Variants in BICC1 observed in about 807,000 individuals in gnomAD.
BICC1 encodes the protein protein bicaudal C homolog 1.
Under a neutral mutation model 111.0 loss-of-function variants are expected in BICC1, and 43 were observed. The ratio of observed to expected loss-of-function variants is 0.39; its 90% CI spans 0.30 to 0.50. BICC1 has a LOEUF of 0.50. Ranked by LOEUF, BICC1 falls within the 20% of genes least tolerant of loss-of-function variation. The pLI, the probability that BICC1 is intolerant of heterozygous loss-of-function variation, is 0.88. For missense variants in BICC1, 1,091 were observed against 1,203.2 expected, an observed-to-expected ratio of 0.91 and a Z score of 1.38; for synonymous variants, 467 against 434.4, an observed-to-expected ratio of 1.07 and a Z score of -0.93.
chr10:58,677,006 G>A (rs951488920), intron 2 of BICC1, among the ~76,000 whole-genome samples: 4 of 152,048 alleles, frequency 2.6e-5, no homozygotes, highest in South Asian at 4.2e-4. Flanking sequence ...TAGCCTCAAC[G>A]TCAACAAAAA....
chr10:58,540,383 T>G (rs1842930954), intron 1 of BICC1, among the ~76,000 whole-genome samples: 1 of 151,212 alleles, frequency 6.6e-6, no homozygotes, highest in Admixed American at 6.6e-5. Flanking sequence ...TTAGCTAGAA[T>G]AAGAAGAAAA....
chr10:58,627,852 A>C (rs1041563410), intron 2 of BICC1, among the ~76,000 whole-genome samples: 37 of 152,348 alleles, frequency 2.4e-4, no homozygotes, highest in African/African-American at 8.2e-4. Context: ...ACAATATTGT[A>C]ATAATTAAAA....
intron 1 of BICC1, among the ~76,000 whole-genome samples, chr10:58,520,682 A>G (rs1438287423): frequency 6.6e-6 from 1 of 152,158 alleles, no homozygotes; most frequent in African/African-American, 2.4e-5. Flanking sequence ...GTGATTAAAC[A>G]TAGGATTTGA....
At chr10:58,799,892 T>C (rs1223118902) in intron 12 of BICC1, among the ~76,000 whole-genome samples, 1 of 152,162 alleles carries the variant, frequency 6.6e-6, no homozygotes, top group Non-Finnish European at 1.5e-5. Flanking sequence ...GGAAAAATTA[T>C]GTTTGTAGTG....
chr10:58,596,755 C>A (rs932022978), intron 1 of BICC1, among the ~76,000 whole-genome samples: 12 of 152,268 alleles, frequency 7.9e-5, no homozygotes, highest in Admixed American at 3.3e-4. Context: ...CATTCCTATA[C>A]ACCAGTAACA....
At chr10:58,779,506 T>G (rs963721762) in intron 3 of BICC1, among the ~76,000 whole-genome samples, 2 of 152,204 alleles carry the variant, frequency 1.3e-5, no homozygotes, top group African/African-American at 4.8e-5. Context: ...CTACCATGAG[T>G]TATCAAAAAT....
At chr10:58,555,353 C>T (rs1393843378) in intron 1 of BICC1, among the ~76,000 whole-genome samples, 6 of 129,784 alleles carry the variant, frequency 4.6e-5, no homozygotes, top group South Asian at 2.4e-4. Flanking sequence ...GACCCTAGGA[C>T]GTAAGCAGCA....
At chr10:58,561,606 G>A (rs998680808) in intron 1 of BICC1, among the ~76,000 whole-genome samples, 1 of 151,836 alleles carries the variant, frequency 6.6e-6, no homozygotes, top group African/African-American at 2.4e-5. Flanking sequence ...GTTGTTTTCT[G>A]GTTGTTTTGT....
intron 1 of BICC1, among the ~76,000 whole-genome samples, chr10:58,528,351 T>C (rs1649019): frequency 0.46 from 69,780 of 151,750 alleles, 17,105 homozygotes; most frequent in Admixed American, 0.62. Context: ...AATGAGGATA[T>C]GCAAAACTTA....
At chr10:58,601,454 A>G (rs547333877) in intron 1 of BICC1, among the ~76,000 whole-genome samples, 138 of 151,690 alleles carry the variant, frequency 9.1e-4, no homozygotes, top group Non-Finnish European at 1.5e-3. Flanking sequence ...AAAAGTGTCT[A>G]TATCTAAATT....
chr10:58,738,073 G>A (rs1841530807), intron 3 of BICC1, among the ~76,000 whole-genome samples: 1 of 152,158 alleles, frequency 6.6e-6, no homozygotes, highest in Non-Finnish European at 1.5e-5. Flanking sequence ...CTTTTGCTGT[G>A]CAGAAGCTCT....
At chr10:58,693,514 C>T (rs1226696971) in intron 2 of BICC1, among the ~76,000 whole-genome samples, 3 of 152,198 alleles carry the variant, frequency 2.0e-5, no homozygotes, top group Non-Finnish European at 4.4e-5. Context: ...ACATCCTCTC[C>T]AGCACCTGTT....
chr10:58,752,910 C>A (rs911121669), intron 3 of BICC1, among the ~76,000 whole-genome samples: 1 of 152,062 alleles, frequency 6.6e-6, no homozygotes, highest in East Asian at 1.9e-4. Flanking sequence ...TGCAGGTGAC[C>A]AGGGACCGAG....
chr10:58,823,329 G>A lies in BICC1; in HGVS notation c.2794+2861G>A, dbSNP rs138763735. On this transcript the variant is annotated intron_variant, in intron 20 of 20. Coordinates refer to ENST00000373886, the MANE Select transcript of BICC1 (RefSeq NM_001080512.3). ...GGTTGGTATTTTCCCAAACCATCCC[G>A]TAGGCTTACTGAAAAATATTAGAGG... The A allele has an allele frequency of 1.8e-5, 18 of 985,226 alleles. No homozygotes were observed. In the East Asian group the frequency reaches 9.1e-4, roughly 50 times the overall value. 61.0% of individuals were successfully genotyped at this position (985,226 alleles called of 1,614,324 possible).
intron 2 of BICC1, among the ~76,000 whole-genome samples, chr10:58,682,910 G>A (rs1839583260): frequency 1.3e-5 from 2 of 152,150 alleles, no homozygotes; most frequent in African/African-American, 4.8e-5. Context: ...TGTCAATTTT[G>A]GCTTTTGTTG....
chr10:58,640,436 A>G (rs1402725720), intron 2 of BICC1, among the ~76,000 whole-genome samples: 1 of 152,192 alleles, frequency 6.6e-6, no homozygotes, highest in Non-Finnish European at 1.5e-5. Flanking sequence ...TTTACATGCA[A>G]AGTCTTAAGG....
intron 3 of BICC1, among the ~76,000 whole-genome samples, chr10:58,757,467 G>T (rs1037814880): frequency 4.7e-5 from 7 of 149,070 alleles, no homozygotes; most frequent in Non-Finnish European, 1.0e-4. Flanking sequence ...GCCTCTGTGA[G>T]ACTAGCATTT....
intron 1 of BICC1, among the ~76,000 whole-genome samples, chr10:58,599,420 T>C (rs942520244): frequency 1.3e-5 from 2 of 152,134 alleles, no homozygotes; most frequent in Non-Finnish European, 2.9e-5. Context: ...AAACACTGCA[T>C]GTTCTCACTC....
intron 3 of BICC1, among the ~76,000 whole-genome samples, chr10:58,725,694 G>A (rs1841083519): frequency 2.6e-5 from 4 of 152,158 alleles, no homozygotes; most frequent in African/African-American, 9.7e-5. Context: ...TGAGCCTGTG[G>A]ATCCTCATCT....
Sources: allele counts gnomAD v4.1 joint callset (sites outside exome capture counted in the v4.1 genomes callset), GRCh38; gene constraint gnomAD v4.1.1; transcripts MANE v1.5; gene names NCBI Gene and HGNC (gene_info 2026-07-23, HGNC 2026-07-21).